TJP1: variants seen among roughly 807,000 people sequenced by gnomAD.
TJP1 encodes tight junction protein 1, also known as tight junction protein ZO-1.
TJP1 carries 43 observed loss-of-function variants against 194.2 expected under a neutral mutation model. The observed-to-expected ratio is 0.22, with a 90% CI of 0.17 to 0.29. The LOEUF is 0.29. Among genes scored for constraint, TJP1 ranks in the 10% least tolerant of loss-of-function variants. The pLI is 1.00. For missense variants in TJP1, 1,971 were observed against 2,185.7 expected (o/e 0.90, Z 1.96); for synonymous variants, 801 against 779.0 (o/e 1.03, Z -0.47).
At chr15:29,759,290 C>T (rs1287545531) in intron 8 of TJP1, 2 of 152,208 alleles carry the variant, frequency 1.3e-5, no homozygotes, top group East Asian at 1.9e-4. Flanking sequence ...ATCTCTAATC[C>T]TAAATCATCT....
chr15:29,752,351 A>C (rs1297024795), intron 8 of TJP1, among the ~76,000 whole-genome samples: 1 of 152,082 alleles, frequency 6.6e-6, no homozygotes, highest in Non-Finnish European at 1.5e-5. Context: ...GATCTTGCCC[A>C]CCTTGGCCTC....
Position 29,733,085 on chromosome 15 carries a change from C to A in TJP1, c.1736+9G>T, listed in dbSNP as rs2043777243. On this transcript the variant is annotated intron_variant, in intron 13 of 27. Coordinates refer to ENST00000614355, the MANE Select transcript of TJP1 (RefSeq NM_001330239.4). ...ATTCACTCTATGAGAAGTATCCAAG[C>A]ATTCATACCTGTTCTTATTAGGGAT... The A allele has an allele frequency of 6.2e-7, 1 of 1,609,724 alleles. No individual in the cohort carries two copies. Among genetic ancestry groups the A allele is most frequent in the African/African-American group, 1.3e-5 (1 of 74,940 alleles).
At chr15:29,868,057 CA>C (rs33939764) in intron 2 of TJP1, among the ~76,000 whole-genome samples, 250 of 127,332 alleles carry the variant, frequency 2.0e-3, no homozygotes, top group African/African-American at 4.9e-3. Flanking sequence ...GATTCTGTCT[CA>C]AAAAAAAAAA....
intron 2 of TJP1, among the ~76,000 whole-genome samples, chr15:29,925,973 A>G (rs557127092): frequency 3.3e-5 from 5 of 152,308 alleles, no homozygotes; most frequent in Non-Finnish European, 7.4e-5. Context: ...AGCCACTTTC[A>G]GACCCCTCAG....
intron 8 of TJP1, chr15:29,759,989 T>C (rs917057432): frequency 1.4e-5 from 7 of 486,264 alleles, no homozygotes; most frequent in Admixed American, 1.1e-4. Context: ...AGAAGTGGAA[T>C]TGCTGGATCA....
intron 2 of TJP1, among the ~76,000 whole-genome samples, chr15:29,949,423 C>A: frequency 7.3e-6 from 1 of 137,868 alleles, no homozygotes; most frequent in African/African-American, 3.2e-5. Flanking sequence ...CCTCTACCTC[C>A]ACAACCACCA....
At chr15:29,961,290 G>A (rs971774581) in intron 1 of TJP1, among the ~76,000 whole-genome samples, 2 of 149,292 alleles carry the variant, frequency 1.3e-5, no homozygotes, top group East Asian at 4.0e-4. Context: ...CTGATGTAGG[G>A]AAATCAATAT....
chr15:29,847,568 G>A (rs1463736480), intron 2 of TJP1, among the ~76,000 whole-genome samples: 8 of 152,044 alleles, frequency 5.3e-5, no homozygotes, highest in South Asian at 2.1e-4. Flanking sequence ...GGCGGATCAC[G>A]AGGTCAGGAG....
At chr15:29,914,851 AAC>A (rs1240475154) in intron 2 of TJP1, among the ~76,000 whole-genome samples, 1 of 143,608 alleles carries the variant, frequency 7.0e-6, no homozygotes, top group Non-Finnish European at 1.5e-5. Context: ...CACACCCTGC[AAC>A]ACACACACAT....
chr15:29,741,080 C>G, intron 10 of TJP1: 2 of 154,858 alleles, frequency 1.3e-5, no homozygotes, highest in Non-Finnish European at 2.5e-5. Flanking sequence ...TTTTTTTTTT[C>G]TAATTCCTAA....
At chr15:29,953,596 TA>T (rs1467643018) in intron 2 of TJP1, among the ~76,000 whole-genome samples, 1 of 152,218 alleles carries the variant, frequency 6.6e-6, no homozygotes, top group Non-Finnish European at 1.5e-5. Flanking sequence ...TCTTCTTATT[TA>T]TTTTTTTTAT....
At chr15:29,801,122 A>T (rs1294259075) in intron 1 of TJP1, among the ~76,000 whole-genome samples, 2 of 152,240 alleles carry the variant, frequency 1.3e-5, no homozygotes, top group African/African-American at 4.8e-5. Context: ...TTATAAATAT[A>T]CATGTCACAG....
intron 1 of TJP1, chr15:29,968,091 C>T (rs1372101386): frequency 2.3e-5 from 23 of 985,252 alleles, no homozygotes; most frequent in Non-Finnish European, 2.7e-5. Context: ...GATGTTTTTT[C>T]CTCATTACCT....
At chr15:29,850,382 G>A (rs545310925) in intron 2 of TJP1, among the ~76,000 whole-genome samples, 2 of 152,254 alleles carry the variant, frequency 1.3e-5, no homozygotes, top group East Asian at 3.9e-4. Flanking sequence ...CCAGGCTGGA[G>A]TGTAGTGGCG....
intron 27 of TJP1, 36 bp from the exon 28 acceptor site, chr15:29,701,725 C>T: frequency 6.8e-7 from 1 of 1,470,242 alleles, no homozygotes. Flanking sequence ...ATTTACAGTT[C>T]AGTAAACTGC....
At position 29,718,445 on chromosome 15, in the gene TJP1, T is replaced by C. The variant is rs780438732; in HGVS notation, c.3697A>G (p.Lys1233Glu). 30 of 1,614,050 alleles carry C rather than the reference T, an allele frequency of 1.9e-5. No individual in the cohort carries two copies. Among genetic ancestry groups the C allele is most frequent in the Non-Finnish European group, 2.2e-5 (26 of 1,180,032 alleles). Reference sequence around the variant, plus strand: ...GTGTTTGAAGGCAGAGCTTCTGGCTTATGCTGAGATGAAGGTATCAGCGGA... The same window carrying C: ...GTGTTTGAAGGCAGAGCTTCTGGCTCATGCTGAGATGAAGGTATCAGCGGA... ...VPPLIPSSQH[K>E]PEALPSNTKP... The change falls in exon 21 of 28, where the codon AAG becomes GAG. Residue 1233 changes from lysine to glutamate, a missense_variant. This residue lies in a region of TJP1 where 1,108 missense variants were observed against 1,128.5 expected (regional missense o/e 0.98). Transcript: ENST00000614355.
At chr15:29,869,590 C>T (rs1331921011) in intron 2 of TJP1, among the ~76,000 whole-genome samples, 3 of 152,098 alleles carry the variant, frequency 2.0e-5, no homozygotes, top group Non-Finnish European at 4.4e-5. Flanking sequence ...ATCCTTCCTA[C>T]TGTGGTCAAG....
At chr15:29,775,411 A>C (rs778027870) in intron 2 of TJP1, among the ~76,000 whole-genome samples, 31 of 152,240 alleles carry the variant, frequency 2.0e-4, no homozygotes, top group Non-Finnish European at 4.1e-4. Context: ...GGAAAACAAA[A>C]TTTGTGCTGG....
chr15:29,722,633 C>T (rs2043002228), intron 18 of TJP1, among the ~76,000 whole-genome samples: 1 of 152,192 alleles, frequency 6.6e-6, no homozygotes, highest in Admixed American at 6.5e-5. Context: ...CAGACAGTCC[C>T]CACTGGGGCA....
Sources: gnomAD v4.1 joint callset for allele counts (sites outside exome capture counted in the v4.1 genomes callset) on GRCh38, gnomAD v4.1.1 for gene constraint, gnomAD v4.1.1 regional missense constraint, MANE v1.5 for transcripts, NCBI Gene and HGNC (gene_info 2026-07-23, HGNC 2026-07-21) for gene names.